STIM1: variants seen among roughly 807,000 people sequenced by gnomAD.
The protein encoded by STIM1 is stromal interaction molecule 1.
Under a neutral mutation model 74.7 loss-of-function variants are expected in STIM1, and 25 were observed. That is an observed-to-expected ratio of 0.33 (90% CI 0.24 to 0.47). The LOEUF is 0.47. Among genes scored for constraint, STIM1 ranks in the 20% least tolerant of loss-of-function variants. The pLI is 1.00. For synonymous variants in STIM1, 328 were observed against 348.8 expected (o/e 0.94, Z 0.66); for missense variants, 728 against 920.8 (o/e 0.79, Z 2.71).
At chr11:4,009,843 T>A (rs535396595) in intron 2 of STIM1, among the ~76,000 whole-genome samples, 27 of 152,102 alleles carry the variant, frequency 1.8e-4, no homozygotes, top group Non-Finnish European at 3.8e-4. Flanking sequence ...GACAGGATCT[T>A]GCTCTATTGC....
chr11:3,963,338 A>G (rs962969293), intron 1 of STIM1, among the ~76,000 whole-genome samples: 1 of 152,108 alleles, frequency 6.6e-6, no homozygotes, highest in African/African-American at 2.4e-5. Flanking sequence ...AACATGTGGT[A>G]TTTGGTTTTC....
chr11:3,937,517 G>A (rs950260265), intron 1 of STIM1, among the ~76,000 whole-genome samples: 1 of 152,074 alleles, frequency 6.6e-6, no homozygotes, highest in African/African-American at 2.4e-5. Flanking sequence ...GCTTCTGTTG[G>A]TGTTGCACAG....
Position 4,048,250 on chromosome 11 carries a change from A to G in STIM1, c.386-7276A>G, listed in dbSNP as rs564175177. Among the ~76,000 whole-genome samples, 113 of 152,376 alleles carry G rather than the reference A, an allele frequency of 7.4e-4. 1 individual carries two copies. The highest frequency in any genetic ancestry group is 2.7e-3 in the African/African-American group (111 of 41,596). ...CAGCAGTGGTTTTCAAACTTGAAGAATGTACAAATTCCTTTTAAGGTAAAT... is the reference window on the plus strand; with the variant it reads ...CAGCAGTGGTTTTCAAACTTGAAGAGTGTACAAATTCCTTTTAAGGTAAAT... On this transcript the variant is annotated intron_variant, in intron 3 of 12. Coordinates refer to ENST00000526596, the MANE Select transcript of STIM1 (RefSeq NM_001382567.1).
At position 3,967,613 on chromosome 11, in the gene STIM1, A is replaced by C. The variant is rs200194500; in HGVS notation, c.201A>C (p.Ala67=). The C allele has an allele frequency of 1.2e-6, 2 of 1,614,136 alleles. No individual in the cohort carries two copies. Among genetic ancestry groups the C allele is most frequent in the African/African-American group, 1.3e-5 (1 of 74,936 alleles). The change falls in exon 2 of 13, where the codon GCA becomes GCC. Residue 67 remains alanine (A), a synonymous_variant. Coordinates refer to ENST00000526596, the MANE Select transcript of STIM1 (RefSeq NM_001382567.1). ...AGGATGAGAAACTCAGCTTCGAGGCAGTCCGTAACATCCACAAACTGATGG... is the reference window on the plus strand; with the variant it reads ...AGGATGAGAAACTCAGCTTCGAGGCCGTCCGTAACATCCACAAACTGATGG... ...HSEDEKLSFE[A]VRNIHKLMDD... is the part of the protein sequence containing the mutation.
At chr11:3,948,285 T>G (rs1162307674) in intron 1 of STIM1, among the ~76,000 whole-genome samples, 1 of 152,128 alleles carries the variant, frequency 6.6e-6, no homozygotes, top group African/African-American at 2.4e-5. Flanking sequence ...TGCTTTGTTT[T>G]GTATAGGTCA....
intron 1 of STIM1, among the ~76,000 whole-genome samples, chr11:3,956,823 CAAAAAAAAAA>C (rs78285130): frequency 1.6e-3 from 61 of 38,202 alleles, no homozygotes; most frequent in African/African-American, 3.4e-3. Context: ...ACCCTGTCTC[CAAAAAAAAAA>C]AAAAAAAAAA....
At chr11:4,014,733 C>T (rs1209049762) in intron 2 of STIM1, among the ~76,000 whole-genome samples, 2 of 152,078 alleles carry the variant, frequency 1.3e-5, no homozygotes, top group East Asian at 3.8e-4. Context: ...TCTGGGTGCT[C>T]CTGTATTGGG....
At chr11:4,058,456 A>G (rs2094307387) in intron 4 of STIM1, among the ~76,000 whole-genome samples, 1 of 152,238 alleles carries the variant, frequency 6.6e-6, no homozygotes, top group Non-Finnish European at 1.5e-5. Context: ...AAATAAAGCT[A>G]TGCATCAGAA....
intron 6 of STIM1, among the ~76,000 whole-genome samples, chr11:4,070,767 T>G (rs2094398447): frequency 6.6e-6 from 1 of 152,230 alleles, no homozygotes; most frequent in South Asian, 2.1e-4. Context: ...CCAACTCAGA[T>G]GGTCTGGGAT....
Position 3,972,230 on chromosome 11 carries a change from G to A in STIM1, c.270+4548G>A, listed in dbSNP as rs570873135. ...TACTGGTAACTTTTCTGCATAACTG[G>A]ACTGTAACCCCAGTTACAGATCTTT... On this transcript the variant is annotated intron_variant, in intron 2 of 12. Coordinates refer to ENST00000526596, the MANE Select transcript of STIM1 (RefSeq NM_001382567.1). Among the ~76,000 whole-genome samples the A allele has an allele frequency of 8.5e-5, 13 of 152,292 alleles. No homozygotes were observed. The Middle Eastern group carries it at 0.017, about 199-fold the overall frequency.
chr11:3,890,811 AG>A (rs1440017907), intron 1 of STIM1, among the ~76,000 whole-genome samples: 4 of 152,218 alleles, frequency 2.6e-5, no homozygotes, highest in African/African-American at 9.6e-5. Flanking sequence ...TTTTGCTTCT[AG>A]AAGGCATTCT....
chr11:3,948,973 T>C (rs1372487985), intron 1 of STIM1, among the ~76,000 whole-genome samples: 3 of 152,258 alleles, frequency 2.0e-5, no homozygotes, highest in East Asian at 3.8e-4. Flanking sequence ...ACACTTACTA[T>C]GTGCCATGCT....
chr11:4,081,878 C>T (rs2094467405), intron 7 of STIM1, among the ~76,000 whole-genome samples: 1 of 152,174 alleles, frequency 6.6e-6, no homozygotes, highest in South Asian at 2.1e-4. Context: ...CTGAAGAGAT[C>T]AGGGAAGACT....
At chr11:4,011,188 T>C (rs982373723) in intron 2 of STIM1, among the ~76,000 whole-genome samples, 1 of 152,258 alleles carries the variant, frequency 6.6e-6, no homozygotes, top group Non-Finnish European at 1.5e-5. Flanking sequence ...TATGTGTGCA[T>C]GTGTCTTTAT....
chr11:4,084,816 A>C, intron 11 of STIM1, 51 bp downstream of exon 11: 2 of 1,267,068 alleles, frequency 1.6e-6, no homozygotes, highest in Non-Finnish European at 2.1e-6. Context: ...TCGGGACTAA[A>C]TCAACACTCT....
chr11:3,951,729 A>G (rs1340937138), intron 1 of STIM1, among the ~76,000 whole-genome samples: 1 of 151,996 alleles, frequency 6.6e-6, no homozygotes, highest in Non-Finnish European at 1.5e-5. Context: ...TATCTGGGTA[A>G]GTCCTTGGGT....
At chr11:3,886,544 C>T (rs1022520801) in intron 1 of STIM1, among the ~76,000 whole-genome samples, 11 of 149,320 alleles carry the variant, frequency 7.4e-5, no homozygotes, top group South Asian at 2.1e-4. Context: ...AGAAATTAGC[C>T]GGGTGTGGTG....
At position 3,967,455 on chromosome 11, in the gene STIM1, G is replaced by A. The variant is rs1177708891; in HGVS notation, c.140-97G>A. The A allele has an allele frequency of 1.0e-5, 16 of 1,587,548 alleles. No individual in the cohort carries two copies. The Admixed American group carries it at 1.3e-4, about 13-fold the overall frequency. On this transcript the variant is annotated intron_variant, in intron 1 of 12. Coordinates refer to ENST00000526596, the MANE Select transcript of STIM1 (RefSeq NM_001382567.1). ...AGTAGCCAGTTAAGTGCCTACATGA[G>A]GAGTCAGATGCTAGAAGCTAAGGAT...
At chr11:4,046,951 C>T (rs1397822108) in intron 3 of STIM1, among the ~76,000 whole-genome samples, 1 of 152,180 alleles carries the variant, frequency 6.6e-6, no homozygotes, top group African/African-American at 2.4e-5. Context: ...CCATGTCTGG[C>T]CAAATGCCTG....
Sources: gnomAD v4.1 joint callset for allele counts (sites outside exome capture counted in the v4.1 genomes callset) on GRCh38, gnomAD v4.1.1 for gene constraint, MANE v1.5 for transcripts, NCBI Gene and HGNC (gene_info 2026-07-23, HGNC 2026-07-21) for gene names.